EPAS1: variants seen among roughly 807,000 people sequenced by gnomAD.
The protein encoded by EPAS1 is endothelial PAS domain protein 1, also known as endothelial PAS domain-containing protein 1.
A neutral mutation model predicts 87.9 loss-of-function variants in EPAS1; 23 were observed. The ratio of observed to expected loss-of-function variants is 0.26; its 90% CI spans 0.19 to 0.37. The LOEUF is 0.37. EPAS1 is among the 10% of genes least tolerant of loss of function. The probability of loss-of-function intolerance (pLI) is 1.00; values close to 1 mark genes in which losing one functional copy is unlikely to be tolerated. For missense variants in EPAS1, 1,138 were observed against 1,120.7 expected (o/e 1.02, Z -0.22); for synonymous variants, 508 against 444.3 (o/e 1.14, Z -1.80).
In EPAS1 at chr2:46,380,301, C is replaced by A; in HGVS notation, c.1629C>A (p.Ser543Arg). Residue 543 changes from serine to arginine, a missense_variant, in exon 12 of 16, where the codon AGC becomes AGA. Physicochemically the swap from Ser to Arg is moderately radical, Grantham distance 110. Around this residue, in one of 4 missense-constraint regions of EPAS1, gnomAD observed 502 missense variants for 427.1 expected, o/e 1.18. Coordinates refer to ENST00000263734, the MANE Select transcript of EPAS1 (RefSeq NM_001430.5). This position sits in a 1 kb window ranked among gnomAD's most constrained non-coding sequence, Gnocchi z 4.4. ...IPMDGEDFQL[S>R]PICPEERLLA... ...TGGACGGGGAAGACTTCCAGCTAAGCCCCATCTGCCCCGAGGAGCGGCTCT... is the reference window on the plus strand; with the variant it reads ...TGGACGGGGAAGACTTCCAGCTAAGACCCATCTGCCCCGAGGAGCGGCTCT... 1.2e-6 allele frequency: 2 copies of A among 1,614,106 alleles called. No homozygotes were observed. The highest frequency in any genetic ancestry group is 1.7e-6 in the Non-Finnish European group (2 of 1,180,006).
At chr2:46,356,861 C>T (rs1290103340) in intron 4 of EPAS1, 53 bp downstream of exon 4, 1 of 1,309,612 alleles carries the variant, frequency 7.6e-7, no homozygotes, top group Non-Finnish European at 1.1e-6. Flanking sequence ...GGGAATCTGC[C>T]TCCCCTTTGT....
intron 1 of EPAS1, among the ~76,000 whole-genome samples, chr2:46,322,119 C>T (rs1390341040): frequency 2.0e-5 from 3 of 152,142 alleles, no homozygotes; most frequent in African/African-American, 7.2e-5. Flanking sequence ...TTTCTTCCTT[C>T]TTCTTGGGGG....
chr2:46,374,627 C>T (rs1043895037), intron 7 of EPAS1, among the ~76,000 whole-genome samples: 10 of 152,164 alleles, frequency 6.6e-5, no homozygotes, highest in Admixed American at 5.2e-4. Flanking sequence ...CAAGATTTCC[C>T]GATCCTCCCT....
At chr2:46,318,622 A>C (rs1683391707) in intron 1 of EPAS1, among the ~76,000 whole-genome samples, 1 of 152,126 alleles carries the variant, frequency 6.6e-6, no homozygotes. Context: ...AAAGTTTTTG[A>C]GTGTTGTACC....
Position 46,297,582 on chromosome 2 carries a change from T to C in EPAS1, c.-330T>C. On this transcript the variant is annotated 5_prime_UTR_variant, in exon 1 of 16. Transcript: ENST00000263734. ...GCCACTTTTTTTTTTCTTTGAAAAC[T>C]CAGAAAAGTGACTCCTTTTCCAGGG... 2 of 362,994 alleles carry C rather than the reference T, an allele frequency of 5.5e-6. No homozygotes were observed. The highest frequency in any genetic ancestry group is 2.6e-5 in the South Asian group (1 of 38,888). The allele number at this position is 362,994 out of a possible 1,614,324, so 22.5% of individuals were successfully genotyped here.
chr2:46,356,123 AAG>A, intron 2 of EPAS1, 26 bp from the exon 3 acceptor site: 1 of 1,429,224 alleles, frequency 7.0e-7, no homozygotes, highest in Non-Finnish European at 9.7e-7. Context: ...ACATTCATGC[AAG>A]CTGTCCCACC....
intron 1 of EPAS1, among the ~76,000 whole-genome samples, chr2:46,325,976 C>T (rs957070255): frequency 2.6e-5 from 4 of 152,178 alleles, no homozygotes; most frequent in Admixed American, 6.5e-5. Flanking sequence ...ATAATTATGG[C>T]GCCCAGTTAT....
At position 46,318,420 on chromosome 2, in the gene EPAS1, C is replaced by T. The variant is rs972841398; in HGVS notation, c.26+20483C>T. ...ATGTGGCACAGATATGAAGTGAGCA[C>T]ATACTATTGGAAAAATGGCATGGAT... On this transcript the variant is annotated intron_variant, in intron 1 of 15. Transcript: ENST00000263734. Among the ~76,000 whole-genome samples, 6 of 152,278 alleles carry T rather than the reference C, an allele frequency of 3.9e-5. No individual in the cohort carries two copies. The Middle Eastern group carries it at 0.017, about 432-fold the overall frequency.
At chr2:46,306,834 A>G (rs561007527) in intron 1 of EPAS1, among the ~76,000 whole-genome samples, 1 of 152,234 alleles carries the variant, frequency 6.6e-6, no homozygotes, top group East Asian at 1.9e-4. Flanking sequence ...ATGTTTTTAG[A>G]GAGTGTCTAG....
chr2:46,378,040 GGCA>G lies in EPAS1; in HGVS notation c.1400_1402del (p.Ser467del). 6.2e-7 allele frequency: 1 copy of G among 1,606,210 alleles called. No homozygotes were observed. Among genetic ancestry groups the G allele is most frequent in the African/African-American group, 1.3e-5 (1 of 74,872 alleles). On this transcript the variant is annotated inframe_deletion, in exon 10 of 16. Coordinates refer to ENST00000263734, the MANE Select transcript of EPAS1 (RefSeq NM_001430.5). ...CACCGTGCCCCAGGCAGCTGCCCCGGGCAGCACCACCCCCAGTGCCACCAGCAG... is the reference window on the plus strand; with the variant it reads ...CACCGTGCCCCAGGCAGCTGCCCCGGGCACCACCCCCAGTGCCACCAGCAG...
At chr2:46,335,524 T>A (rs1434180291) in intron 1 of EPAS1, among the ~76,000 whole-genome samples, 4 of 151,538 alleles carry the variant, frequency 2.6e-5, no homozygotes, top group Non-Finnish European at 5.9e-5. Flanking sequence ...CATGACACAG[T>A]GATTATTTTT....
Position 46,360,702 on chromosome 2 carries a change from G to C in EPAS1, c.519G>C (p.Lys173Asn). 1 of 1,614,026 alleles carries C rather than the reference G, an allele frequency of 6.2e-7. No homozygotes were observed. The highest frequency in any genetic ancestry group is 8.5e-7 in the Non-Finnish European group (1 of 1,180,040). Reference sequence around the variant, plus strand: ...AGCGGGACTTCTTCATGAGGATGAAGTGCACGGTCACCAACAGAGGCCGTA... The same window carrying C: ...AGCGGGACTTCTTCATGAGGATGAACTGCACGGTCACCAACAGAGGCCGTA... The part of the protein sequence containing the change: ...STERDFFMRM[K>N]CTVTNRGRTV... Residue 173 changes from lysine (K) to asparagine (N), a missense_variant, in exon 5 of 16, where the codon AAG becomes AAC. By Grantham distance (94) the Lys-to-Asn change is moderately conservative. This residue lies in a region of EPAS1 where 351 missense variants were observed against 417.1 expected (regional missense o/e 0.84). Transcript: ENST00000263734. The surrounding 1 kb of genome is among the most constrained non-coding windows in gnomAD (Gnocchi z 4.5).
rs750515166 is a variant in EPAS1, at chr2:46,347,038, G to T, written c.192G>T (p.Leu64=). 15 of 1,614,060 alleles carry T rather than the reference G, an allele frequency of 9.3e-6. No homozygotes were observed. The African/African-American group carries it at 2.0e-4, about 22-fold the overall frequency. ...TCATGCGACTGGCAATCAGCTTCCT[G>T]CGAACACACAAGCTCCTCTCCTCAG... ...ASIMRLAISF[L]RTHKLLSSVC... The change falls in exon 2 of 16, where the codon CTG becomes CTT. Residue 64 remains leucine, a synonymous_variant. Coordinates refer to ENST00000263734, the MANE Select transcript of EPAS1 (RefSeq NM_001430.5). The surrounding 1 kb of genome is among the most constrained non-coding windows in gnomAD (Gnocchi z 4.2).
At chr2:46,322,174 G>A (rs1490074486) in intron 1 of EPAS1, among the ~76,000 whole-genome samples, 2 of 152,250 alleles carry the variant, frequency 1.3e-5, no homozygotes, top group Non-Finnish European at 2.9e-5. Context: ...TTAAGTCTTT[G>A]AACCGCTGCA....
intron 1 of EPAS1, among the ~76,000 whole-genome samples, chr2:46,338,751 C>T (rs1683848626): frequency 6.6e-6 from 1 of 152,178 alleles, no homozygotes; most frequent in African/African-American, 2.4e-5. Context: ...AGAGAGCTGG[C>T]CATGGGAAAA....
chr2:46,359,861 GT>G (rs1225029239), intron 4 of EPAS1, among the ~76,000 whole-genome samples: 2 of 152,162 alleles, frequency 1.3e-5, no homozygotes, highest in Non-Finnish European at 2.9e-5. Flanking sequence ...TCATTACTTT[GT>G]TTTACAAAAA....
At chr2:46,317,187 T>A (rs1338414801) in intron 1 of EPAS1, among the ~76,000 whole-genome samples, 1 of 152,214 alleles carries the variant, frequency 6.6e-6, no homozygotes, top group Non-Finnish European at 1.5e-5. Context: ...CAGACTCCTG[T>A]TACTGCTGAT....
chr2:46,380,345 C>G lies in EPAS1; in HGVS notation c.1673C>G (p.Ser558Cys), dbSNP rs1324765989. 1.2e-6 allele frequency: 2 copies of G among 1,614,060 alleles called. No homozygotes were observed. The highest frequency in any genetic ancestry group is 2.7e-5 in the African/African-American group (2 of 74,918). The change falls in exon 12 of 16, where the codon TCC becomes TGC. Residue 558 changes from serine (S) to cysteine (C), a missense_variant. Ser to Cys is a moderately radical substitution (Grantham distance 112). Around this residue, in one of 4 missense-constraint regions of EPAS1, gnomAD observed 502 missense variants for 427.1 expected, o/e 1.18. Coordinates refer to ENST00000263734, the MANE Select transcript of EPAS1 (RefSeq NM_001430.5). The surrounding 1 kb of genome is among the most constrained non-coding windows in gnomAD (Gnocchi z 4.4). ...CGGCTCTTGGCGGAGAACCCACAGT[C>G]CACCCCCCAGCACTGCTTCAGTGCC... ...EERLLAENPQ[S>C]TPQHCFSAMT...
In EPAS1 at chr2:46,360,959, G is replaced by C; in HGVS notation, c.648G>C (p.Glu216Asp). ...PPHNSLCGYK[E>D]PLLSCLIIMC... Reference sequence around the variant, plus strand: ...ACAATAGTCTGTGTGGCTACAAGGAGCCCCTGCTGTCCTGCCTCATCATCA... The same window carrying C: ...ACAATAGTCTGTGTGGCTACAAGGACCCCCTGCTGTCCTGCCTCATCATCA... Residue 216 changes from glutamate to aspartate, a missense_variant, in exon 6 of 16, where the codon GAG becomes GAC. Transcript: ENST00000263734. The surrounding 1 kb of genome is among the most constrained non-coding windows in gnomAD (Gnocchi z 4.5). The C allele has an allele frequency of 6.2e-7, 1 of 1,614,186 alleles. No individual in the cohort carries two copies. The highest frequency in any genetic ancestry group is 1.1e-5 in the South Asian group (1 of 91,086).
Sources: allele counts gnomAD v4.1 joint callset (sites outside exome capture counted in the v4.1 genomes callset), GRCh38; gene constraint gnomAD v4.1.1; regional missense constraint gnomAD v4.1.1; non-coding constraint Gnocchi (gnomAD v3.1); transcripts MANE v1.5; gene names NCBI Gene and HGNC (gene_info 2026-07-23, HGNC 2026-07-21).